The following CSMD1 variants were observed in gnomAD, a reference collection of about 807,000 sequenced individuals.
CSMD1 encodes the protein CUB and sushi domain-containing protein 1.
CSMD1 carries 213 observed loss-of-function variants against 417.5 expected under a neutral mutation model. That is an observed-to-expected ratio of 0.51 (90% CI 0.46 to 0.57). The LOEUF is 0.57. Ranked by LOEUF, CSMD1 falls within the 20% of genes least tolerant of loss-of-function variation. The pLI is 0.00. For synonymous variants in CSMD1, 2,862 were observed against 1,736.8 expected (o/e 1.65, Z -16.11); for missense variants, 6,923 against 4,529.7 (o/e 1.53, Z -15.17).
chr8:4,128,558 T>C (rs970877969), intron 3 of CSMD1, among the ~76,000 whole-genome samples: 1 of 152,082 alleles, frequency 6.6e-6, no homozygotes, highest in African/African-American at 2.4e-5. Context: ...AGATAACACA[T>C]CTCATCTCTT....
chr8:4,143,196 G>C (rs561179497), intron 3 of CSMD1, among the ~76,000 whole-genome samples: 1 of 151,206 alleles, frequency 6.6e-6, no homozygotes, highest in South Asian at 2.1e-4. Context: ...TGCTGAGAAT[G>C]TTTCCCTGTC....
chr8:3,776,805 G>GATAT (rs1411200186), intron 5 of CSMD1, among the ~76,000 whole-genome samples: 2 of 96,674 alleles, frequency 2.1e-5, no homozygotes, highest in African/African-American at 9.9e-5. Flanking sequence ...ACATATAGAC[G>GATAT]AGATATATAT....
chr8:3,560,411 T>C (rs1043337294), intron 10 of CSMD1, among the ~76,000 whole-genome samples: 6 of 152,156 alleles, frequency 3.9e-5, no homozygotes, highest in African/African-American at 1.4e-4. Context: ...TTTTCTAAGA[T>C]GAAATAGCTG....
intron 3 of CSMD1, among the ~76,000 whole-genome samples, chr8:4,064,080 T>C (rs557969875): frequency 2.0e-5 from 3 of 152,288 alleles, no homozygotes; most frequent in Non-Finnish European, 2.9e-5. Context: ...GTGAAGCCCA[T>C]GTGAAATGCG....
At position 3,142,726 on chromosome 8, in the gene CSMD1, T is replaced by C. The variant is rs1818580871; in HGVS notation, c.6032-52A>G. The C allele has an allele frequency of 7.8e-6, 11 of 1,409,916 alleles. No homozygotes were observed. In the Middle Eastern group the frequency reaches 6.4e-4, roughly 82 times the overall value. The allele number at this position is 1,409,916 out of a possible 1,614,324, so 87.3% of individuals were successfully genotyped here. Reference sequence around the variant, plus strand: ...AAAGTTCATATCAAAATGTATAAAATCAATGCTCATAAAAAGGGACTGAAG... The same window carrying C: ...AAAGTTCATATCAAAATGTATAAAACCAATGCTCATAAAAAGGGACTGAAG... On this transcript the variant is annotated intron_variant, in intron 40 of 69. Coordinates refer to ENST00000635120, the MANE Select transcript of CSMD1 (RefSeq NM_033225.6).
chr8:3,752,232 A>G (rs1002535364), intron 6 of CSMD1, among the ~76,000 whole-genome samples: 1 of 150,340 alleles, frequency 6.7e-6, no homozygotes, highest in Non-Finnish European at 1.5e-5. Flanking sequence ...AGGTGAAGGG[A>G]AAGCACATTA....
chr8:3,457,560 T>C (rs1279517174), intron 12 of CSMD1, among the ~76,000 whole-genome samples: 2 of 152,184 alleles, frequency 1.3e-5, no homozygotes, highest in Admixed American at 1.3e-4. Flanking sequence ...CAAGAGGATA[T>C]GTACGCGGTT....
chr8:4,032,046 G>T lies in CSMD1; in HGVS notation c.469C>A (p.His157Asn), dbSNP rs766454163. 1 of 1,613,900 alleles carries T rather than the reference G, an allele frequency of 6.2e-7. No homozygotes were observed. Among genetic ancestry groups the T allele is most frequent in the Non-Finnish European group, 8.5e-7 (1 of 1,179,836 alleles). The stretch of plus-strand genomic sequence containing the variant: ...TCTCCTATGTTGAATCTCGTTCCAT[G>T]CAGAACTCCTTTCAGGATTTCTCCA... ...NPGEILKGVLHGTRFNIGDKI... is the reference protein window; with the variant it reads ...NPGEILKGVLNGTRFNIGDKI... The change falls in exon 4 of 70, where the codon CAT becomes AAT. Residue 157 changes from histidine (H) to asparagine (N), a missense_variant. Physicochemically the swap from His to Asn is moderately conservative, Grantham distance 68. Coordinates refer to ENST00000635120, the MANE Select transcript of CSMD1 (RefSeq NM_033225.6).
chr8:3,120,704 A>AG (rs138705631), intron 41 of CSMD1, among the ~76,000 whole-genome samples: 14,946 of 148,904 alleles, frequency 0.1, 982 homozygotes, highest in African/African-American at 0.17. Flanking sequence ...AAAATTAGCC[A>AG]GGGGGGGTGA....
intron 2 of CSMD1, among the ~76,000 whole-genome samples, chr8:4,440,229 T>A (rs538683792): frequency 6.6e-6 from 1 of 152,334 alleles, no homozygotes; most frequent in African/African-American, 2.4e-5. Flanking sequence ...CCTACCTATA[T>A]GTGCATGTGC....
intron 2 of CSMD1, among the ~76,000 whole-genome samples, chr8:4,604,953 T>C (rs922561999): frequency 4.6e-5 from 7 of 152,186 alleles, no homozygotes; most frequent in African/African-American, 1.7e-4. Flanking sequence ...ATGTAATTTG[T>C]TCTTGTGGGT....
intron 2 of CSMD1, among the ~76,000 whole-genome samples, chr8:4,584,230 A>C (rs1333030443): frequency 6.6e-6 from 1 of 151,878 alleles, no homozygotes; most frequent in Non-Finnish European, 1.5e-5. Flanking sequence ...GAACCCACCA[A>C]TTCCGGACAC....
In CSMD1 at chr8:4,222,949, TA is replaced by T. The variant is rs1295269888; in HGVS notation, c.416-190851del. Among the ~76,000 whole-genome samples the T allele has an allele frequency of 2.0e-3, 294 of 150,508 alleles. 2 individuals are homozygous for T. The East Asian group carries it at 0.026, about 13-fold the overall frequency. ...ATCCAAGTCCTAAAAAGACATTTCT[TA>T]AAAAAAAAATAATTTGGGCTTTGAG... On this transcript the variant is annotated intron_variant, in intron 3 of 69. Transcript: ENST00000635120.
At chr8:3,918,429 T>G (rs1464620) in intron 5 of CSMD1, among the ~76,000 whole-genome samples, 39,856 of 152,078 alleles carry the variant, frequency 0.26, 5,674 homozygotes, top group East Asian at 0.42. Context: ...TTGATTTGCG[T>G]TTGTCTGATA....
intron 5 of CSMD1, among the ~76,000 whole-genome samples, chr8:3,931,634 C>G (rs1455575974): frequency 6.7e-6 from 1 of 149,544 alleles, no homozygotes; most frequent in East Asian, 2.0e-4. Flanking sequence ...AGAAAAGTGC[C>G]TCAGGATGTC....
intron 1 of CSMD1, among the ~76,000 whole-genome samples, chr8:4,936,609 G>C (rs978053557): frequency 6.6e-6 from 1 of 152,100 alleles, no homozygotes; most frequent in Non-Finnish European, 1.5e-5. Context: ...TGATATATTT[G>C]TCAACACTAA....
intron 1 of CSMD1, among the ~76,000 whole-genome samples, chr8:4,719,229 A>T (rs140518561): frequency 6.6e-6 from 1 of 152,330 alleles, no homozygotes; most frequent in African/African-American, 2.4e-5. Flanking sequence ...ACACATTGTC[A>T]TGTTTTAGAT....
chr8:4,351,560 G>T (rs921955972), intron 3 of CSMD1, among the ~76,000 whole-genome samples: 3 of 152,150 alleles, frequency 2.0e-5, no homozygotes, highest in Non-Finnish European at 4.4e-5. Context: ...CGGTCAGTTT[G>T]GCTTTAAAAT....
In CSMD1 at chr8:4,217,753, T is replaced by C. The variant is rs1585041877; in HGVS notation, c.416-185654A>G. Among the ~76,000 whole-genome samples the C allele has an allele frequency of 2.6e-5, 4 of 152,236 alleles. No homozygotes were observed. In the South Asian group the frequency reaches 8.3e-4, roughly 32 times the overall value. ...TTCTATACTCTACGGTGTTATAGGA[T>C]ACTGGAACATTTAGGGCAGGATTGT... On this transcript the variant is annotated intron_variant, in intron 3 of 69. Transcript: ENST00000635120.
Sources: allele counts gnomAD v4.1 joint callset (sites outside exome capture counted in the v4.1 genomes callset), GRCh38; gene constraint gnomAD v4.1.1; transcripts MANE v1.5; gene names NCBI Gene and HGNC (gene_info 2026-07-23, HGNC 2026-07-21).